CHID1: variants seen among roughly 807,000 people sequenced by gnomAD.
The protein encoded by CHID1 is chitinase domain containing 1.
In CHID1, 44 loss-of-function variants were observed where a neutral mutation model predicts 55.4. The observed-to-expected ratio is 0.79, with a 90% CI of 0.62 to 1.02. The LOEUF is 1.02. Ranked by LOEUF, CHID1 falls within the 50% of genes least tolerant of loss-of-function variation. CHID1 has a pLI of 0.00. For synonymous variants in CHID1, 216 were observed against 212.9 expected, an observed-to-expected ratio of 1.01 and a Z score of -0.13; for missense variants, 491 against 515.3, an observed-to-expected ratio of 0.95 and a Z score of 0.46.
intron 8 of CHID1, among the ~76,000 whole-genome samples, chr11:892,223 G>A (rs913183182): frequency 2.0e-5 from 3 of 152,252 alleles, no homozygotes; most frequent in Admixed American, 6.5e-5. Context: ...GGGAGGCTGA[G>A]GTTGCTGGGC....
intron 4 of CHID1, among the ~76,000 whole-genome samples, chr11:901,631 T>C (rs2134320227): frequency 6.6e-6 from 1 of 152,312 alleles, no homozygotes; most frequent in Admixed American, 6.5e-5. Flanking sequence ...TGCCGTTTGC[T>C]GCCCAGAGGC....
In CHID1 at chr11:875,080, C is replaced by G. The variant is rs769697778; in HGVS notation, c.960-4581G>C. On this transcript the variant is annotated intron_variant, in intron 10 of 12. Transcript: ENST00000323578. This position sits in a 1 kb window ranked among gnomAD's most constrained non-coding sequence, Gnocchi z 4.7. ...TGGTGGGAGGAGGGGCTTGCAGGCTCGGGCCAGGGCTGCTGTGAGCAATGG... is the reference window on the plus strand; with the variant it reads ...TGGTGGGAGGAGGGGCTTGCAGGCTGGGGCCAGGGCTGCTGTGAGCAATGG... Among the ~76,000 whole-genome samples the G allele has an allele frequency of 6.6e-6, 1 of 152,216 alleles. No homozygotes were observed. The highest frequency in any genetic ancestry group is 1.9e-4 in the East Asian group (1 of 5,194).
chr11:908,087 AAC>A (rs1852367216), intron 1 of CHID1: 1 of 152,116 alleles, frequency 6.6e-6, no homozygotes, highest in African/African-American at 2.4e-5. Flanking sequence ...ATACACCCAC[AAC>A]ACACCTGCAT....
chr11:910,332 G>A (rs2134393167), intron 1 of CHID1, among the ~76,000 whole-genome samples: 1 of 152,228 alleles, frequency 6.6e-6, no homozygotes, highest in Admixed American at 6.5e-5. Context: ...TGCTCCCTCT[G>A]GGGGTCCTGG....
At chr11:878,370 C>T (rs866800559) in intron 10 of CHID1, among the ~76,000 whole-genome samples, 19 of 152,140 alleles carry the variant, frequency 1.2e-4, no homozygotes, top group Non-Finnish European at 1.9e-4. Context: ...GCTGAGATCA[C>T]ACCACTGCAC....
chr11:894,022 T>C (rs1851058486), intron 7 of CHID1, among the ~76,000 whole-genome samples: 1 of 144,874 alleles, frequency 6.9e-6, no homozygotes, highest in Non-Finnish European at 1.5e-5. Flanking sequence ...CTCAGGAGGC[T>C]GAGGCAGGAG....
intron 4 of CHID1, 167 bp downstream of exon 4, chr11:902,015 CCACATCATCAGTCTCA>C (rs1851845952): frequency 1.6e-6 from 1 of 644,264 alleles, no homozygotes; most frequent in Non-Finnish European, 2.7e-6. Flanking sequence ...CTCTTCTCTC[CCACATCATCAGTCTCA>C]CACTTACACA....
chr11:910,909 C>T (rs1015647109), upstream of CHID1: 17 of 939,306 alleles, frequency 1.8e-5, no homozygotes, highest in South Asian at 2.6e-5. Flanking sequence ...TGGGCCAGGA[C>T]AGGGGACTGG....
rs1416419320 is a variant in CHID1, at chr11:900,034, C to T, written c.516G>A (p.Glu172=). ...CCACCTGGACCACGGTCTTGCTCAGCTCCTCTATCTCATCCTCACTGTCTA... is the reference window on the plus strand; with the variant it reads ...CCACCTGGACCACGGTCTTGCTCAGTTCCTCTATCTCATCCTCACTGTCTA... ...NVLDSEDEIE[E]LSKTVVQVAK... Residue 172 remains glutamate (E), a synonymous_variant, in exon 6 of 13, where the codon GAG becomes GAA. Transcript: ENST00000323578. 1.2e-6 allele frequency: 2 copies of T among 1,614,096 alleles called. No individual in the cohort carries two copies. Among genetic ancestry groups the T allele is most frequent in the Non-Finnish European group, 1.7e-6 (2 of 1,179,966 alleles).
chr11:894,905 C>G (rs1194778988), intron 7 of CHID1, among the ~76,000 whole-genome samples: 2 of 152,192 alleles, frequency 1.3e-5, no homozygotes, highest in South Asian at 4.1e-4. Flanking sequence ...GCCAAGCCCC[C>G]GTCAATTCCT....
chr11:899,198 A>G, intron 7 of CHID1, 142 bp downstream of exon 7: 1 of 760,336 alleles, frequency 1.3e-6, no homozygotes, highest in Non-Finnish European at 2.1e-6. Context: ...GCAGGTGTCC[A>G]TCTTTTGTGC....
chr11:897,755 C>G (rs1190559190), intron 7 of CHID1, among the ~76,000 whole-genome samples: 1 of 152,252 alleles, frequency 6.6e-6, no homozygotes, highest in South Asian at 2.1e-4. Context: ...CTCTTGGACA[C>G]ATCCGGTGGG....
chr11:886,453 T>C lies in CHID1; in HGVS notation c.702-2284A>G, dbSNP rs4963200. Among the ~76,000 whole-genome samples the C allele has an allele frequency of 4.3e-3, 657 of 152,270 alleles. 11 individuals carry two copies. Among genetic ancestry groups the C allele is most frequent in the Admixed American group, 0.037 (563 of 15,302 alleles). The stretch of plus-strand genomic sequence containing the variant: ...CAGCCTGGGCAACAGAGCAAGACAA[T>C]TGATGAATCGGTCTTGCTGTGGACA... On this transcript the variant is annotated intron_variant, in intron 8 of 12. Coordinates refer to ENST00000323578, the MANE Select transcript of CHID1 (RefSeq NM_023947.4).
chr11:909,242 AAC>A (rs1852457795), intron 1 of CHID1, among the ~76,000 whole-genome samples: 1 of 152,120 alleles, frequency 6.6e-6, no homozygotes, highest in African/African-American at 2.4e-5. Flanking sequence ...CTCTTCACAT[AAC>A]ACAGACTCCC....
chr11:869,386 C>T lies in CHID1; in HGVS notation c.*472G>A. 5.9e-6 allele frequency: 1 copy of T among 170,278 alleles called. No homozygotes were observed. Among genetic ancestry groups the T allele is most frequent in the Admixed American group, 5.8e-5 (1 of 17,280 alleles). 10.5% of individuals were successfully genotyped at this position (170,278 alleles called of 1,614,324 possible). A position where few individuals can be genotyped will look rare whatever the true frequency, so the allele number is the denominator to read the frequency against. ...GTGCTGTGGCTGGCCAGGTGGGTGG[C>T]AGGTATGTGGGGGTGGAGCTCTCAG... is the stretch of plus-strand genomic sequence containing the variant. On this transcript the variant is annotated 3_prime_UTR_variant, in exon 13 of 13. Coordinates refer to ENST00000323578, the MANE Select transcript of CHID1 (RefSeq NM_023947.4).
intron 2 of CHID1, 36 bp from the exon 3 acceptor site, chr11:903,147 T>G: frequency 6.3e-7 from 1 of 1,598,338 alleles, no homozygotes; most frequent in Non-Finnish European, 8.5e-7. Context: ...GCCTCAGTCA[T>G]CTGTCCACAG....
chr11:908,627 C>G, intron 1 of CHID1: 9 of 985,484 alleles, frequency 9.1e-6, no homozygotes, highest in Non-Finnish European at 1.1e-5. Context: ...GGCTCCTTCT[C>G]TGTCTTCTGG....
chr11:872,726 G>A (rs1017651600), intron 10 of CHID1, among the ~76,000 whole-genome samples: 1 of 152,192 alleles, frequency 6.6e-6, no homozygotes, highest in Non-Finnish European at 1.5e-5. Context: ...AATTTGCAGC[G>A]TCCCCCCTCA....
intron 8 of CHID1, among the ~76,000 whole-genome samples, chr11:886,731 A>G (rs916058542): frequency 6.6e-6 from 1 of 152,216 alleles, no homozygotes; most frequent in Admixed American, 6.5e-5. Context: ...CGCCTCTCCG[A>G]GTCGGTCCCA....
Sources: allele counts gnomAD v4.1 joint callset (sites outside exome capture counted in the v4.1 genomes callset), GRCh38; gene constraint gnomAD v4.1.1; non-coding constraint Gnocchi (gnomAD v3.1); transcripts MANE v1.5; gene names NCBI Gene and HGNC (gene_info 2026-07-23, HGNC 2026-07-21).